Variants in NRXN3 observed in about 807,000 individuals in gnomAD.
The protein encoded by NRXN3 is neurexin 3, also known as neurexin III.
Under a neutral mutation model 137.6 loss-of-function variants are expected in NRXN3, and 32 were observed. The observed-to-expected ratio is 0.23, with a 90% CI of 0.18 to 0.31. NRXN3 has a LOEUF of 0.31. Ranked by LOEUF, NRXN3 falls within the 10% of genes least tolerant of loss-of-function variation. NRXN3 has a pLI of 1.00. For synonymous variants in NRXN3, 798 were observed against 784.5 expected, an observed-to-expected ratio of 1.02 and a Z score of -0.29; for missense variants, 1,574 against 2,062.5, an observed-to-expected ratio of 0.76 and a Z score of 4.59.
chr14:78,929,164 A>C (rs2099314654), intron 10 of NRXN3, among the ~76,000 whole-genome samples: 1 of 151,858 alleles, frequency 6.6e-6, no homozygotes, highest in African/African-American at 2.4e-5. Context: ...TTTTCTTGTA[A>C]ATTTGTTTAA....
At chr14:79,546,815 T>A (rs1457878439) in intron 16 of NRXN3, among the ~76,000 whole-genome samples, 2 of 152,182 alleles carry the variant, frequency 1.3e-5, no homozygotes, top group Non-Finnish European at 2.9e-5. Context: ...TGACAGGTTG[T>A]GTGTTTATTA....
chr14:79,713,226 A>G (rs2098811272), intron 19 of NRXN3, among the ~76,000 whole-genome samples: 1 of 144,520 alleles, frequency 6.9e-6, no homozygotes, highest in Non-Finnish European at 1.5e-5. Context: ...AGTGGACCTC[A>G]AAGTAGCACT....
At chr14:78,373,101 C>T (rs2087163011) in intron 4 of NRXN3, among the ~76,000 whole-genome samples, 1 of 152,176 alleles carries the variant, frequency 6.6e-6, no homozygotes, top group African/African-American at 2.4e-5. Context: ...ATAACCTTGT[C>T]CTGTTCAAAC....
intron 10 of NRXN3, among the ~76,000 whole-genome samples, chr14:78,874,082 C>T (rs1051199524): frequency 6.6e-6 from 1 of 151,798 alleles, no homozygotes; most frequent in Non-Finnish European, 1.5e-5. Flanking sequence ...AGTGGTTCTC[C>T]TGCCTCAGCC....
intron 8 of NRXN3, among the ~76,000 whole-genome samples, chr14:78,743,124 A>T (rs528405324): frequency 6.6e-6 from 1 of 152,312 alleles, no homozygotes; most frequent in African/African-American, 2.4e-5. Context: ...ATTTGACTAT[A>T]AATCCTAGCT....
chr14:79,733,450 G>T (rs2154073750), intron 19 of NRXN3, among the ~76,000 whole-genome samples: 1 of 152,084 alleles, frequency 6.6e-6, no homozygotes, highest in African/African-American at 2.4e-5. Flanking sequence ...TTTCCTTAAG[G>T]CAAAGAAGAG....
At chr14:78,872,019 C>T (rs2099102464) in intron 10 of NRXN3, among the ~76,000 whole-genome samples, 1 of 151,920 alleles carries the variant, frequency 6.6e-6, no homozygotes. Context: ...CTTGATCTAA[C>T]TCCTCCCCAC....
chr14:79,092,659 A>G (rs2049430196), intron 15 of NRXN3, among the ~76,000 whole-genome samples: 1 of 152,232 alleles, frequency 6.6e-6, no homozygotes, highest in Admixed American at 6.5e-5. Flanking sequence ...TTCTCAATAC[A>G]TGCTTCTAGA....
intron 15 of NRXN3, among the ~76,000 whole-genome samples, chr14:79,399,099 G>C (rs2095115804): frequency 6.6e-6 from 1 of 151,590 alleles, no homozygotes; most frequent in Non-Finnish European, 1.5e-5. Context: ...GTTCCATAGG[G>C]CACGCCCCTA....
At chr14:78,624,290 G>A (rs892371497) in intron 4 of NRXN3, among the ~76,000 whole-genome samples, 3 of 152,210 alleles carry the variant, frequency 2.0e-5, no homozygotes, top group Admixed American at 6.5e-5. Flanking sequence ...TCACAGTTAT[G>A]TCTTGATTAC....
At chr14:78,425,424 T>G (rs1272021025) in intron 4 of NRXN3, among the ~76,000 whole-genome samples, 1 of 152,240 alleles carries the variant, frequency 6.6e-6, no homozygotes, top group Non-Finnish European at 1.5e-5. Flanking sequence ...AGGAATGATC[T>G]GTGGGGGAAG....
intron 15 of NRXN3, among the ~76,000 whole-genome samples, chr14:79,130,273 T>C (rs2057257350): frequency 6.6e-6 from 1 of 152,212 alleles, no homozygotes; most frequent in Admixed American, 6.5e-5. Context: ...CTTCCTAGTC[T>C]CGATGGTCTT....
At chr14:78,749,416 C>T (rs1595483078) in intron 8 of NRXN3, among the ~76,000 whole-genome samples, 2 of 152,254 alleles carry the variant, frequency 1.3e-5, no homozygotes, top group East Asian at 3.9e-4. Context: ...CAGATTTATC[C>T]TAGTTTCATT....
In NRXN3 at chr14:78,709,577, A is replaced by C; in HGVS notation, c.1582A>C (p.Ile528Leu). 1 of 1,614,080 alleles carries C rather than the reference A, an allele frequency of 6.2e-7. No homozygotes were observed. The highest frequency in any genetic ancestry group is 8.5e-7 in the Non-Finnish European group (1 of 1,180,016). Reference protein sequence around the residue: ...YLLLDMGSGTIKVKATQKKAN... With the variant: ...YLLLDMGSGTLKVKATQKKAN... ...GCTGCTTGACATGGGCTCTGGCACC[A>C]TCAAAGTGAAAGCCACTCAGAAGAA... The change falls in exon 7 of 21, where the codon ATC becomes CTC. Residue 528 changes from isoleucine to leucine, a missense_variant. Around this residue, in one of 5 missense-constraint regions of NRXN3, gnomAD observed 718 missense variants for 887.6 expected, o/e 0.81. Transcript: ENST00000335750.
intron 15 of NRXN3, among the ~76,000 whole-genome samples, chr14:79,317,105 G>A (rs1212428277): frequency 1.8e-4 from 27 of 152,048 alleles, no homozygotes; most frequent in Admixed American, 1.8e-3. Context: ...GGTGGTGGGT[G>A]CCTGTAATCC....
At chr14:79,850,441 TTTGGGA>T (rs1218284213) in intron 20 of NRXN3, among the ~76,000 whole-genome samples, 1 of 152,194 alleles carries the variant, frequency 6.6e-6, no homozygotes, top group Non-Finnish European at 1.5e-5. Flanking sequence ...TGAGTATGTC[TTTGGGA>T]TTCTTGAGCT....
intron 4 of NRXN3, among the ~76,000 whole-genome samples, chr14:78,372,921 A>G (rs1006241845): frequency 2.0e-5 from 3 of 152,216 alleles, no homozygotes; most frequent in Non-Finnish European, 4.4e-5. Context: ...TTAGAAGAAG[A>G]CAGTTGTCAC....
intron 8 of NRXN3, among the ~76,000 whole-genome samples, chr14:78,800,800 C>T (rs888364744): frequency 5.9e-5 from 9 of 152,090 alleles, no homozygotes; most frequent in Middle Eastern, 3.2e-3. Flanking sequence ...TATGAGGGTA[C>T]GGGTGTTTTT....
At chr14:79,349,292 G>A (rs963761312) in intron 15 of NRXN3, among the ~76,000 whole-genome samples, 1 of 151,076 alleles carries the variant, frequency 6.6e-6, no homozygotes, top group South Asian at 2.1e-4. Flanking sequence ...AAGGTCTCCG[G>A]AATCTTTAAA....
Sources: allele counts gnomAD v4.1 joint callset (sites outside exome capture counted in the v4.1 genomes callset), GRCh38; gene constraint gnomAD v4.1.1; regional missense constraint gnomAD v4.1.1; transcripts MANE v1.5; gene names NCBI Gene and HGNC (gene_info 2026-07-23, HGNC 2026-07-21).